Variants in B4GALT1 observed in about 807,000 individuals in gnomAD.
B4GALT1 encodes N-acetyllactosamine synthase.
Under a neutral mutation model 34.9 loss-of-function variants are expected in B4GALT1, and 16 were observed. The observed-to-expected ratio is 0.46, with a 90% CI of 0.31 to 0.70. The LOEUF is 0.70. Ranked by LOEUF, B4GALT1 falls within the 30% of genes least tolerant of loss-of-function variation. The pLI is 0.05. For synonymous variants in B4GALT1, 221 were observed against 218.1 expected (o/e 1.01, Z -0.12); for missense variants, 445 against 530.5 (o/e 0.84, Z 1.58).
chr9:33,171,897 C>T (rs1840845022), upstream of B4GALT1, among the ~76,000 whole-genome samples: 1 of 152,186 alleles, frequency 6.6e-6, no homozygotes, highest in African/African-American at 2.4e-5. Flanking sequence ...AATTGTCAGG[C>T]ACCTTTATTC....
chr9:33,131,342 G>T (rs894620225), intron 2 of B4GALT1, among the ~76,000 whole-genome samples: 1 of 152,220 alleles, frequency 6.6e-6, no homozygotes, highest in Non-Finnish European at 1.5e-5. Flanking sequence ...GGCCTCAGGG[G>T]TCTAGGCAAA....
the B4GALT1 span, among the ~76,000 whole-genome samples, chr9:33,177,651 C>G: frequency 6.6e-6 from 1 of 152,116 alleles, no homozygotes; most frequent in Admixed American, 6.6e-5. Flanking sequence ...TATTGCTATG[C>G]AAAACAAACA....
At chr9:33,159,770 T>A (rs1011278150) in intron 1 of B4GALT1, among the ~76,000 whole-genome samples, 4 of 152,222 alleles carry the variant, frequency 2.6e-5, no homozygotes, top group African/African-American at 4.8e-5. Flanking sequence ...CACCTTCCTG[T>A]GCGTCACATC....
At chr9:33,119,679 G>A (rs1483556155) in intron 3 of B4GALT1, among the ~76,000 whole-genome samples, 1 of 152,198 alleles carries the variant, frequency 6.6e-6, no homozygotes, top group Non-Finnish European at 1.5e-5. Flanking sequence ...TTGTGTCACT[G>A]CACTCCAGCC....
At chr9:33,125,515 T>C (rs551828734) in intron 2 of B4GALT1, among the ~76,000 whole-genome samples, 1 of 152,340 alleles carries the variant, frequency 6.6e-6, no homozygotes, top group South Asian at 2.1e-4. Context: ...AGCTGTTGTA[T>C]GATTCCTATG....
chr9:33,144,597 T>G (rs1564048579), intron 1 of B4GALT1, among the ~76,000 whole-genome samples: 2 of 152,244 alleles, frequency 1.3e-5, no homozygotes, highest in Admixed American at 1.3e-4. Flanking sequence ...TATGTTCTTA[T>G]AAGCCACCTC....
At chr9:33,138,063 C>T (rs1170716037) in intron 1 of B4GALT1, among the ~76,000 whole-genome samples, 1 of 152,240 alleles carries the variant, frequency 6.6e-6, no homozygotes, top group Non-Finnish European at 1.5e-5. Context: ...TGGGCTGTCA[C>T]CCTGCCGACT....
chr9:33,154,043 G>C (rs1357534991), intron 1 of B4GALT1, among the ~76,000 whole-genome samples: 1 of 105,792 alleles, frequency 9.5e-6, no homozygotes. Flanking sequence ...GGGAGGGAGG[G>C]AGGGAGGGAG....
At chr9:33,132,596 G>A (rs915569302) in intron 2 of B4GALT1, among the ~76,000 whole-genome samples, 4 of 152,238 alleles carry the variant, frequency 2.6e-5, no homozygotes, top group Admixed American at 6.5e-5. Context: ...TTGGTTAGTT[G>A]TTCCATCTAC....
the B4GALT1 span, among the ~76,000 whole-genome samples, chr9:33,181,198 T>C: frequency 6.6e-6 from 1 of 152,098 alleles, no homozygotes; most frequent in African/African-American, 2.4e-5. Flanking sequence ...GGCAGGAGCA[T>C]TGCTTGAGCC....
chr9:33,140,792 C>T (rs762042577), intron 1 of B4GALT1, among the ~76,000 whole-genome samples: 15 of 152,366 alleles, frequency 9.8e-5, no homozygotes, highest in Middle Eastern at 3.4e-3. Context: ...AGGTGCGCAC[C>T]GCAAGCTGAG....
chr9:33,181,461 A>ACACACACACAC, the B4GALT1 span, among the ~76,000 whole-genome samples: 9 of 65,172 alleles, frequency 1.4e-4, no homozygotes, highest in East Asian at 9.9e-4. Flanking sequence ...CACACACACA[A>ACACACACACAC]ACTATTCTTA....
chr9:33,124,166 G>A (rs1453860969), intron 2 of B4GALT1, among the ~76,000 whole-genome samples: 2 of 152,036 alleles, frequency 1.3e-5, no homozygotes, highest in Non-Finnish European at 2.9e-5. Flanking sequence ...GTAACACTGG[G>A]GCACACACCT....
intron 1 of B4GALT1, among the ~76,000 whole-genome samples, chr9:33,162,144 A>G (rs960614663): frequency 6.6e-6 from 1 of 152,244 alleles, no homozygotes; most frequent in Non-Finnish European, 1.5e-5. Context: ...TAATCATTAT[A>G]AAGCAGCAAG....
chr9:33,184,277 C>CACAA, the B4GALT1 span, among the ~76,000 whole-genome samples: 1 of 151,736 alleles, frequency 6.6e-6, no homozygotes, highest in African/African-American at 2.4e-5. Flanking sequence ...CACACACACA[C>CACAA]ACACACACAC....
the B4GALT1 span, among the ~76,000 whole-genome samples, chr9:33,184,259 C>CACACAT: frequency 6.7e-6 from 1 of 150,188 alleles, no homozygotes; most frequent in South Asian, 2.1e-4. Flanking sequence ...CTTGTACACA[C>CACACAT]ACACACACAC....
chr9:33,174,711 C>T, the B4GALT1 span, among the ~76,000 whole-genome samples: 1 of 150,992 alleles, frequency 6.6e-6, no homozygotes. Flanking sequence ...AATCCCAACA[C>T]TTTGGGAGGC....
chr9:33,106,197 A>C (rs1278412907), downstream of B4GALT1, among the ~76,000 whole-genome samples: 1 of 152,206 alleles, frequency 6.6e-6, no homozygotes, highest in African/African-American at 2.4e-5. Context: ...GGTTTTTAAA[A>C]TAATAACCAT....
At chr9:33,122,528 AAAT>A (rs1840036367) in intron 2 of B4GALT1, among the ~76,000 whole-genome samples, 1 of 151,904 alleles carries the variant, frequency 6.6e-6, no homozygotes, top group Non-Finnish European at 1.5e-5. Context: ...ATAAATAAAT[AAAT>A]AAAACCAAGA....
Sources: gnomAD v4.1 joint callset for allele counts (sites outside exome capture counted in the v4.1 genomes callset) on GRCh38, gnomAD v4.1.1 for gene constraint, MANE v1.5 for transcripts, NCBI Gene and HGNC (gene_info 2026-07-23, HGNC 2026-07-21) for gene names.